The following STK3 variants were observed in gnomAD, a reference collection of about 807,000 sequenced individuals.
STK3 encodes the protein serine/threonine kinase 3.
Under a neutral mutation model 58.0 loss-of-function variants are expected in STK3, and 41 were observed. That is an observed-to-expected ratio of 0.71 (90% CI 0.55 to 0.92). The LOEUF (loss-of-function observed/expected upper bound fraction) is 0.92, where lower values mean the gene tolerates loss of function less well. Among genes scored for constraint, STK3 ranks in the 40% least tolerant of loss-of-function variants. The pLI is 0.00. For missense variants in STK3, 479 were observed against 602.7 expected, an observed-to-expected ratio of 0.79 and a Z score of 2.15; for synonymous variants, 170 against 191.0, an observed-to-expected ratio of 0.89 and a Z score of 0.91.
intron 6 of STK3, among the ~76,000 whole-genome samples, chr8:98,630,464 A>G (rs1819097328): frequency 6.6e-6 from 1 of 152,098 alleles, no homozygotes. Flanking sequence ...CAACACAATG[A>G]GACCCCATCT....
chr8:98,905,242 A>T (rs1466128585), intron 1 of STK3: 5 of 846,446 alleles, frequency 5.9e-6, no homozygotes, highest in Non-Finnish European at 1.0e-5. Flanking sequence ...CTACACATGC[A>T]TTATCTTGCC....
intron 6 of STK3, among the ~76,000 whole-genome samples, chr8:98,675,266 T>C (rs1414801515): frequency 2.0e-5 from 3 of 152,198 alleles, no homozygotes; most frequent in Non-Finnish European, 4.4e-5. Flanking sequence ...CTACAAGAAT[T>C]GTTATATTAA....
In STK3 at chr8:98,472,043, GTTAT is replaced by G. The variant is rs1437867595; in HGVS notation, c.1318-16047_1318-16044del. Among the ~76,000 whole-genome samples, 7 of 152,206 alleles carry G rather than the reference GTTAT, an allele frequency of 4.6e-5. No homozygotes were observed. The East Asian group carries it at 1.4e-3, about 29-fold the overall frequency. ...GCTTACCACTGGCAGACACTATGCT[GTTAT>G]TTAATAGGCAATAATCCTATGAATT... On this transcript the variant is annotated intron_variant, in intron 10 of 10. Transcript: ENST00000419617.
At chr8:98,423,538 G>C (rs551140006) in intron 3 of STK3, among the ~76,000 whole-genome samples, 1 of 152,230 alleles carries the variant, frequency 6.6e-6, no homozygotes, top group Non-Finnish European at 1.5e-5. Context: ...TCCCTGGAAG[G>C]CTTTCAGGAG....
chr8:98,654,935 A>G (rs1438465882), intron 6 of STK3, among the ~76,000 whole-genome samples: 1 of 152,172 alleles, frequency 6.6e-6, no homozygotes, highest in East Asian at 1.9e-4. Context: ...ATTCAATGCC[A>G]TCCCCATCAA....
intron 1 of STK3, among the ~76,000 whole-genome samples, chr8:98,806,304 A>C (rs1352365808): frequency 6.6e-6 from 1 of 152,222 alleles, no homozygotes; most frequent in East Asian, 1.9e-4. Context: ...TGGGAAAAAA[A>C]AAATATATCT....
intron 4 of STK3, among the ~76,000 whole-genome samples, chr8:98,739,161 C>G (rs1440827083): frequency 2.0e-5 from 3 of 152,250 alleles, no homozygotes; most frequent in Non-Finnish European, 4.4e-5. Flanking sequence ...CCTCTGGGGG[C>G]AGGGCACAGA....
At chr8:98,615,964 CACA>C (rs1427980908) in intron 6 of STK3, among the ~76,000 whole-genome samples, 1 of 6,120 alleles carries the variant, frequency 1.6e-4, no homozygotes, top group African/African-American at 7.6e-4. Flanking sequence ...CAGAGAATGC[CACA>C]AAGATACTCC....
chr8:98,680,582 A>T (rs1057407284), intron 6 of STK3, among the ~76,000 whole-genome samples: 3 of 152,112 alleles, frequency 2.0e-5, no homozygotes, highest in African/African-American at 7.2e-5. Context: ...GAAAAAAAGG[A>T]GAAAGAACTA....
At chr8:98,416,620 A>T (rs1016577820) in intron 3 of STK3, among the ~76,000 whole-genome samples, 1 of 152,132 alleles carries the variant, frequency 6.6e-6, no homozygotes. Flanking sequence ...TCCTCTTTCC[A>T]AGTCACAGAG....
At chr8:98,654,777 G>A (rs1587180920) in intron 6 of STK3, among the ~76,000 whole-genome samples, 1 of 152,050 alleles carries the variant, frequency 6.6e-6, no homozygotes, top group Non-Finnish European at 1.5e-5. Context: ...CAAATTAAAA[G>A]GGACGTGAAG....
At chr8:98,930,610 AC>A (rs1839971767) in intron 1 of STK3, among the ~76,000 whole-genome samples, 1 of 152,206 alleles carries the variant, frequency 6.6e-6, no homozygotes, top group Admixed American at 6.5e-5. Context: ...TAAGATGTTT[AC>A]ATGGATTTTG....
At chr8:98,609,523 T>C (rs189334357) in intron 6 of STK3, among the ~76,000 whole-genome samples, 206 of 152,170 alleles carry the variant, frequency 1.4e-3, no homozygotes, top group Middle Eastern at 6.8e-3. Flanking sequence ...AAGGTAAGAC[T>C]ATGCGGAAAA....
At chr8:98,403,387 T>C (rs1031114692) in intron 3 of STK3, among the ~76,000 whole-genome samples, 2 of 152,320 alleles carry the variant, frequency 1.3e-5, no homozygotes, top group Middle Eastern at 3.4e-3. Context: ...GGTGTTTTAA[T>C]TGGGAGGTGA....
chr8:98,908,011 GA>G (rs1312446863), intron 1 of STK3, among the ~76,000 whole-genome samples: 1 of 152,106 alleles, frequency 6.6e-6, no homozygotes, highest in Non-Finnish European at 1.5e-5. Context: ...TATCTCCTGG[GA>G]AATAGTAGGT....
chr8:98,853,794 C>T (rs976872565), intron 3 of STK3, among the ~76,000 whole-genome samples: 7 of 152,164 alleles, frequency 4.6e-5, no homozygotes, highest in African/African-American at 1.2e-4. Flanking sequence ...CTGAATAGAA[C>T]TATATGTCAG....
intron 8 of STK3, among the ~76,000 whole-genome samples, chr8:98,571,904 G>A (rs187827429): frequency 6.6e-6 from 1 of 152,218 alleles, no homozygotes; most frequent in Admixed American, 6.5e-5. Context: ...CCAGTGACAA[G>A]CAATTCTTCT....
the STK3 span, among the ~76,000 whole-genome samples, chr8:98,352,903 A>G: frequency 1.3e-5 from 2 of 152,312 alleles, no homozygotes; most frequent in East Asian, 3.9e-4. Flanking sequence ...TGTGCTGCTT[A>G]GTTACCCTGA....
chr8:98,728,313 A>G (rs1827930281), intron 4 of STK3, among the ~76,000 whole-genome samples: 1 of 152,242 alleles, frequency 6.6e-6, no homozygotes, highest in African/African-American at 2.4e-5. Context: ...TCTGTTCAAC[A>G]CAAAGTACAT....
Sources: allele counts gnomAD v4.1 joint callset (sites outside exome capture counted in the v4.1 genomes callset), GRCh38; gene constraint gnomAD v4.1.1; transcripts MANE v1.5; gene names NCBI Gene and HGNC (gene_info 2026-07-23, HGNC 2026-07-21).